The following GPC6 variants were observed in gnomAD, a reference collection of about 807,000 sequenced individuals.
The protein encoded by GPC6 is glypican-6.
GPC6 carries 14 observed loss-of-function variants against 55.2 expected under a neutral mutation model. The ratio of observed to expected loss-of-function variants is 0.25; its 90% CI spans 0.17 to 0.40. The LOEUF (loss-of-function observed/expected upper bound fraction) is 0.40, where lower values mean the gene tolerates loss of function less well. Ranked by LOEUF, GPC6 falls within the 10% of genes least tolerant of loss-of-function variation. GPC6 has a pLI of 1.00. For missense variants in GPC6, 641 were observed against 708.5 expected, an observed-to-expected ratio of 0.90 and a Z score of 1.08; for synonymous variants, 278 against 259.6, an observed-to-expected ratio of 1.07 and a Z score of -0.68.
chr13:94,129,908 C>G (rs1453909254), intron 4 of GPC6, among the ~76,000 whole-genome samples: 3 of 152,028 alleles, frequency 2.0e-5, no homozygotes, highest in African/African-American at 4.8e-5. Flanking sequence ...TATAATGAAC[C>G]AGGCAGGGTC....
At chr13:93,240,017 T>TA (rs993413127) in intron 1 of GPC6, among the ~76,000 whole-genome samples, 2 of 152,152 alleles carry the variant, frequency 1.3e-5, no homozygotes, top group African/African-American at 4.8e-5. Context: ...TTTTTCTTTT[T>TA]AAAAATTTAT....
chr13:93,398,381 G>A (rs1310376862), intron 1 of GPC6, among the ~76,000 whole-genome samples: 1 of 152,174 alleles, frequency 6.6e-6, no homozygotes, highest in Non-Finnish European at 1.5e-5. Flanking sequence ...GATTTGAGAA[G>A]TGGTGTGCTT....
chr13:93,930,174 A>G (rs1878086009), intron 3 of GPC6, among the ~76,000 whole-genome samples: 1 of 151,976 alleles, frequency 6.6e-6, no homozygotes, highest in Non-Finnish European at 1.5e-5. Context: ...TGCTGGGATC[A>G]TTCTGTTATA....
upstream of GPC6, among the ~76,000 whole-genome samples, chr13:93,226,189 C>A (rs776229380): frequency 6.6e-6 from 1 of 152,048 alleles, no homozygotes; most frequent in Non-Finnish European, 1.5e-5. Context: ...CCCATTATGT[C>A]CCTTTATGCA....
intron 1 of GPC6, among the ~76,000 whole-genome samples, chr13:93,363,547 G>A (rs1881128742): frequency 6.6e-6 from 1 of 151,464 alleles, no homozygotes; most frequent in African/African-American, 2.4e-5. Context: ...TTGGACATTT[G>A]GGTTGGTTCC....
chr13:94,144,093 CA>C (rs1887474123), intron 4 of GPC6, among the ~76,000 whole-genome samples: 1 of 152,022 alleles, frequency 6.6e-6, no homozygotes. Context: ...ATTATCATTA[CA>C]AAAGTATCCA....
chr13:93,699,832 ACT>A, intron 2 of GPC6, among the ~76,000 whole-genome samples: 1 of 151,558 alleles, frequency 6.6e-6, no homozygotes, highest in East Asian at 1.9e-4. Context: ...TACCTATCAC[ACT>A]CTTTTTTTCT....
At chr13:93,873,602 C>T (rs2140303496) in intron 3 of GPC6, among the ~76,000 whole-genome samples, 1 of 152,036 alleles carries the variant, frequency 6.6e-6, no homozygotes, top group South Asian at 2.1e-4. Context: ...GACAAATAAT[C>T]ATCTGGCCCC....
At chr13:94,073,048 A>G (rs750378673) in intron 4 of GPC6, among the ~76,000 whole-genome samples, 3 of 152,184 alleles carry the variant, frequency 2.0e-5, no homozygotes, top group Admixed American at 6.5e-5. Context: ...TCTTTATGTT[A>G]GAGAGAGGCA....
At chr13:93,442,909 C>T (rs187711399) in intron 1 of GPC6, among the ~76,000 whole-genome samples, 11 of 152,086 alleles carry the variant, frequency 7.2e-5, no homozygotes, top group Admixed American at 5.2e-4. Flanking sequence ...AACATTATAC[C>T]AGCATTTCAG....
intron 1 of GPC6, among the ~76,000 whole-genome samples, chr13:93,423,049 A>AC (rs113052284): frequency 0.27 from 40,105 of 147,912 alleles, 6,786 homozygotes; most frequent in Non-Finnish European, 0.4. Context: ...TGGTGGTCAC[A>AC]CCCCACCAGC....
At chr13:93,364,722 CAT>C (rs1042281570) in intron 1 of GPC6, among the ~76,000 whole-genome samples, 6 of 150,638 alleles carry the variant, frequency 4.0e-5, no homozygotes, top group Non-Finnish European at 7.4e-5. Flanking sequence ...TATACACACA[CAT>C]ATATGTATAT....
chr13:93,363,117 G>GTTTTT (rs199840187), intron 1 of GPC6, among the ~76,000 whole-genome samples: 34 of 126,002 alleles, frequency 2.7e-4, no homozygotes, highest in Middle Eastern at 4.0e-3. Flanking sequence ...CTTTTTTTTT[G>GTTTTT]TTTTTTTTTT....
intron 2 of GPC6, among the ~76,000 whole-genome samples, chr13:93,771,042 A>T (rs1885273331): frequency 6.6e-6 from 1 of 152,174 alleles, no homozygotes; most frequent in African/African-American, 2.4e-5. Context: ...ATTGTCTCAC[A>T]GATCAAGCCA....
intron 3 of GPC6, among the ~76,000 whole-genome samples, chr13:94,015,514 T>C (rs1882428069): frequency 6.6e-6 from 1 of 152,214 alleles, no homozygotes; most frequent in Non-Finnish European, 1.5e-5. Context: ...ACAAAAGTTT[T>C]CATTTTTATG....
rs1440202138 is a variant in GPC6 at position 94,306,088 on chromosome 13, C to G, written c.1117C>G (p.Pro373Ala). 6.2e-7 allele frequency: 1 copy of G among 1,614,168 alleles called. No homozygotes were observed. The highest frequency in any genetic ancestry group is 8.5e-7 in the Non-Finnish European group (1 of 1,180,004). Residue 373 changes from proline to alanine, a missense_variant, in exon 6 of 9, where the codon CCA becomes GCA. Pro to Ala is a conservative substitution (Grantham distance 27, BLOSUM62 -1). Transcript: ENST00000377047. Reference protein sequence around the residue: ...RFRPYNPEERPTTAAGTSLDR... With the variant: ...RFRPYNPEERATTAAGTSLDR... ...CAGGCCCTACAATCCTGAGGAAAGACCAACAACTGCTGCAGGCACAAGCTT... is the reference window on the plus strand; with the variant it reads ...CAGGCCCTACAATCCTGAGGAAAGAGCAACAACTGCTGCAGGCACAAGCTT...
intron 2 of GPC6, among the ~76,000 whole-genome samples, chr13:93,789,595 C>T (rs1244044682): frequency 1.8e-5 from 1 of 54,204 alleles, no homozygotes; most frequent in Admixed American, 2.3e-4. Context: ...ATATATAATA[C>T]TACATATATA....
chr13:94,291,042 A>G (rs536263274), intron 5 of GPC6, among the ~76,000 whole-genome samples: 9 of 152,278 alleles, frequency 5.9e-5, no homozygotes, highest in South Asian at 2.1e-4. Flanking sequence ...AACTACAAAA[A>G]TTAGCTAAGC....
At chr13:94,052,819 C>G (rs987476547) in intron 4 of GPC6, among the ~76,000 whole-genome samples, 3 of 152,088 alleles carry the variant, frequency 2.0e-5, no homozygotes, top group African/African-American at 7.2e-5. Flanking sequence ...TAAAGGTCCT[C>G]TGTTGAAGCT....
Sources: allele counts gnomAD v4.1 joint callset (sites outside exome capture counted in the v4.1 genomes callset), GRCh38; gene constraint gnomAD v4.1.1; transcripts MANE v1.5; gene names NCBI Gene and HGNC (gene_info 2026-07-23, HGNC 2026-07-21).